Variants in PTPN4 observed in about 807,000 individuals in gnomAD.
The protein encoded by PTPN4 is protein tyrosine phosphatase non-receptor type 4.
In PTPN4, 49 loss-of-function variants were observed where a neutral mutation model predicts 135.5. That is an observed-to-expected ratio of 0.36 (90% CI 0.29 to 0.46). The LOEUF (loss-of-function observed/expected upper bound fraction) is 0.46, where lower values mean the gene tolerates loss of function less well. Ranked by LOEUF, PTPN4 falls within the 20% of genes least tolerant of loss-of-function variation. PTPN4 has a pLI of 1.00. For missense variants in PTPN4, 860 were observed against 1,101.0 expected, an observed-to-expected ratio of 0.78 and a Z score of 3.10; for synonymous variants, 333 against 369.9, an observed-to-expected ratio of 0.90 and a Z score of 1.14.
chr2:119,949,871 A>G (rs938950920), intron 18 of PTPN4, among the ~76,000 whole-genome samples: 14 of 147,956 alleles, frequency 9.5e-5, no homozygotes, highest in African/African-American at 3.5e-4. Context: ...TGTCTGAAAT[A>G]CACACACACA....
rs997615047 is a variant in PTPN4 at position 119,796,608 on chromosome 2, A to G, written c.-17-13229A>G. Among the ~76,000 whole-genome samples, 2 of 152,334 alleles carry G rather than the reference A, an allele frequency of 1.3e-5. 1 individual carries two copies. The highest frequency in any genetic ancestry group is 4.1e-4 in the South Asian group (2 of 4,830). ...AATTAATATCACATATGAATAAACT[A>G]ATTCACCTATTAGATGCTTGTTTCC... On this transcript the variant is annotated intron_variant, in intron 1 of 26. Transcript: ENST00000263708.
chr2:119,940,847 A>G (rs1291375201), intron 15 of PTPN4, among the ~76,000 whole-genome samples: 1 of 152,180 alleles, frequency 6.6e-6, no homozygotes, highest in African/African-American at 2.4e-5. Context: ...CATGATTTTC[A>G]AGGGTTGTTC....
intron 8 of PTPN4, 99 bp from the exon 9 acceptor site, chr2:119,885,696 A>G (rs1678145466): frequency 1.6e-5 from 12 of 767,900 alleles, no homozygotes; most frequent in Non-Finnish European, 2.4e-5. Context: ...ATTTAATTAG[A>G]CTGCTCAGTT....
chr2:119,897,407 G>A (rs980769180), intron 9 of PTPN4, among the ~76,000 whole-genome samples: 1 of 152,106 alleles, frequency 6.6e-6, no homozygotes, highest in Non-Finnish European at 1.5e-5. Flanking sequence ...TATTCCTACT[G>A]GGTTGGTCAT....
At chr2:119,766,458 G>GCA (rs1558718908) in intron 1 of PTPN4, among the ~76,000 whole-genome samples, 13 of 135,292 alleles carry the variant, frequency 9.6e-5, no homozygotes, top group African/African-American at 2.6e-4. Context: ...GCGTGTGTGT[G>GCA]TGTGTGTGTG....
chr2:119,775,276 T>C (rs968496105), intron 1 of PTPN4, among the ~76,000 whole-genome samples: 1 of 151,972 alleles, frequency 6.6e-6, no homozygotes, highest in Non-Finnish European at 1.5e-5. Flanking sequence ...CGAGCCTTGA[T>C]GGGATAAGGT....
At chr2:119,924,136 C>CAAA (rs35572826) in intron 12 of PTPN4, among the ~76,000 whole-genome samples, 5 of 77,250 alleles carry the variant, frequency 6.5e-5, no homozygotes, top group Non-Finnish European at 1.3e-4. Flanking sequence ...GACTCCGTCT[C>CAAA]AAAAAAAAAA....
intron 1 of PTPN4, among the ~76,000 whole-genome samples, chr2:119,782,435 A>G (rs1574330726): frequency 6.6e-6 from 1 of 152,108 alleles, no homozygotes; most frequent in African/African-American, 2.4e-5. Context: ...GAAAAGAAAA[A>G]AAAATTCTTA....
intron 1 of PTPN4, among the ~76,000 whole-genome samples, chr2:119,798,168 CTTTT>C (rs201921444): frequency 7.0e-6 from 1 of 142,228 alleles, no homozygotes; most frequent in African/African-American, 2.6e-5. Context: ...ACTGCAACAT[CTTTT>C]TTTTTTTTTT....
chr2:119,865,597 G>A (rs1267229117), intron 3 of PTPN4, among the ~76,000 whole-genome samples: 1 of 151,984 alleles, frequency 6.6e-6, no homozygotes, highest in African/African-American at 2.4e-5. Context: ...CAGAGTAAAT[G>A]AACATATTAA....
chr2:119,788,728 T>A (rs1402646809), intron 1 of PTPN4, among the ~76,000 whole-genome samples: 1 of 152,222 alleles, frequency 6.6e-6, no homozygotes, highest in East Asian at 1.9e-4. Flanking sequence ...GTCTCAAGGT[T>A]CATCTGCATT....
chr2:119,809,865 T>G lies in PTPN4; in HGVS notation c.12T>G (p.Arg4=). The change falls in exon 2 of 27, where the codon CGT becomes CGG. Residue 4 remains arginine, a synonymous_variant. Transcript: ENST00000263708. MTS[R]FRLPAGRTYN... is the part of the protein sequence containing the mutation. ...TTGTGTGGACAGTAATGACCTCACGTTTCCGATTGCCTGCTGGCAGAACCT... is the reference window on the plus strand; with the variant it reads ...TTGTGTGGACAGTAATGACCTCACGGTTCCGATTGCCTGCTGGCAGAACCT... 2 of 1,610,782 alleles carry G rather than the reference T, an allele frequency of 1.2e-6. No individual in the cohort carries two copies. Among genetic ancestry groups the G allele is most frequent in the Non-Finnish European group, 1.7e-6 (2 of 1,179,092 alleles).
chr2:119,951,893 G>A, intron 18 of PTPN4, 80 bp from the exon 19 acceptor site: 1 of 1,146,716 alleles, frequency 8.7e-7, no homozygotes, highest in Non-Finnish European at 1.2e-6. Context: ...CCTGCTATTG[G>A]GTCTATTAAA....
intron 3 of PTPN4, among the ~76,000 whole-genome samples, chr2:119,863,412 A>T (rs1677788711): frequency 6.6e-6 from 1 of 152,116 alleles, no homozygotes; most frequent in Non-Finnish European, 1.5e-5. Context: ...GTGTAAGAGG[A>T]TCTCCATTTT....
chr2:119,896,371 G>T (rs1301489812), intron 9 of PTPN4, among the ~76,000 whole-genome samples: 1 of 152,156 alleles, frequency 6.6e-6, no homozygotes, highest in Non-Finnish European at 1.5e-5. Flanking sequence ...TACCTGTAAA[G>T]CACTGGATTA....
At chr2:119,975,810 A>G (rs535002862) in intron 26 of PTPN4, among the ~76,000 whole-genome samples, 2 of 152,182 alleles carry the variant, frequency 1.3e-5, no homozygotes, top group African/African-American at 2.4e-5. Flanking sequence ...GATATTGTCA[A>G]TGCTTAGGGA....
chr2:119,884,726 TGAA>T (rs1474116975), intron 8 of PTPN4, among the ~76,000 whole-genome samples: 2 of 152,186 alleles, frequency 1.3e-5, no homozygotes, highest in Admixed American at 6.5e-5. Context: ...GATCTTTAAA[TGAA>T]GAAAAACAGA....
chr2:119,963,389 C>T (rs1332369755), intron 24 of PTPN4, among the ~76,000 whole-genome samples: 4 of 152,216 alleles, frequency 2.6e-5, no homozygotes, highest in Non-Finnish European at 5.9e-5. Flanking sequence ...AGAGACAGTG[C>T]ACCCTACTTT....
chr2:119,963,572 A>C (rs1245385042), intron 24 of PTPN4, among the ~76,000 whole-genome samples: 1 of 152,262 alleles, frequency 6.6e-6, no homozygotes. Flanking sequence ...GCATGATTAA[A>C]GGAAACCAGA....
Sources: gnomAD v4.1 joint callset for allele counts (sites outside exome capture counted in the v4.1 genomes callset) on GRCh38, gnomAD v4.1.1 for gene constraint, MANE v1.5 for transcripts, NCBI Gene and HGNC (gene_info 2026-07-23, HGNC 2026-07-21) for gene names.